Variants in DGKB observed in about 807,000 individuals in gnomAD.
DGKB encodes diacylglycerol kinase beta.
Under a neutral mutation model 114.3 loss-of-function variants are expected in DGKB, and 67 were observed. The ratio of observed to expected loss-of-function variants is 0.59; its 90% CI spans 0.48 to 0.72. The LOEUF is 0.72. Among genes scored for constraint, DGKB ranks in the 30% least tolerant of loss-of-function variants. The pLI is 0.00. For synonymous variants in DGKB, 398 were observed against 323.1 expected, an observed-to-expected ratio of 1.23 and a Z score of -2.49; for missense variants, 907 against 975.2, an observed-to-expected ratio of 0.93 and a Z score of 0.93.
At chr7:14,497,322 C>T (rs976801017) in intron 20 of DGKB, among the ~76,000 whole-genome samples, 1 of 151,698 alleles carries the variant, frequency 6.6e-6, no homozygotes, top group Non-Finnish European at 1.5e-5. Flanking sequence ...ACTACTTGTA[C>T]TTCTAAAGAG....
chr7:14,482,565 G>T (rs1236313518), intron 20 of DGKB, among the ~76,000 whole-genome samples: 1 of 151,994 alleles, frequency 6.6e-6, no homozygotes, highest in Non-Finnish European at 1.5e-5. Flanking sequence ...AGTTATACTA[G>T]AAACACTACA....
intron 2 of DGKB, among the ~76,000 whole-genome samples, chr7:14,763,272 G>C (rs368086949): frequency 6.6e-4 from 100 of 152,092 alleles, no homozygotes; most frequent in African/African-American, 2.3e-3. Context: ...AAACACAGTA[G>C]GTTGTAACTC....
At chr7:14,354,658 A>G (rs532165449) in intron 21 of DGKB, among the ~76,000 whole-genome samples, 16 of 152,174 alleles carry the variant, frequency 1.1e-4, no homozygotes, top group Non-Finnish European at 2.2e-4. Flanking sequence ...CCTTCTTTAA[A>G]AAGAAATTGA....
At chr7:14,798,280 T>C (rs1485657989) in intron 2 of DGKB, among the ~76,000 whole-genome samples, 2 of 152,196 alleles carry the variant, frequency 1.3e-5, no homozygotes, top group Non-Finnish European at 2.9e-5. Flanking sequence ...TGTCCCTGTC[T>C]GCCTAGGAAT....
Position 14,894,098 on chromosome 7 carries a change from GA to G in DGKB, c.-188+8493del, listed in dbSNP as rs149170716. 6.2e-3 allele frequency among the ~76,000 whole-genome samples: 932 copies of G among 151,364 alleles called. 11 individuals carry two copies. The highest frequency in any genetic ancestry group is 0.019 in the African/African-American group (798 of 41,410). On this transcript the variant is annotated intron_variant, in intron 1 of 25. Coordinates refer to ENST00000402815, the MANE Select transcript of DGKB (RefSeq NM_001350709.2). ...ATTAATAGATGCTCCCAGAAGGAGG[GA>G]TTCTGTGGTTAAATAAGGCCAGGGA...
chr7:14,909,916 T>A (rs1783895424), intron 1 of DGKB, among the ~76,000 whole-genome samples: 1 of 152,022 alleles, frequency 6.6e-6, no homozygotes, highest in Non-Finnish European at 1.5e-5. Flanking sequence ...ATAATCAAAA[T>A]CATGTATTAG....
intron 9 of DGKB, among the ~76,000 whole-genome samples, chr7:14,687,748 T>C (rs1487328521): frequency 6.6e-6 from 1 of 152,218 alleles, no homozygotes. Context: ...CTTGTAATTC[T>C]TGTCGTTTTA....
intron 21 of DGKB, among the ~76,000 whole-genome samples, chr7:14,428,201 A>G (rs1827875714): frequency 6.6e-6 from 1 of 151,836 alleles, no homozygotes. Context: ...CTTTACAATC[A>G]TCTTCCAATA....
intron 20 of DGKB, among the ~76,000 whole-genome samples, chr7:14,510,235 G>C (rs985124070): frequency 2.6e-5 from 4 of 152,172 alleles, no homozygotes; most frequent in South Asian, 2.1e-4. Flanking sequence ...TGCAGCATTT[G>C]ATGCTGTGTG....
intron 20 of DGKB, among the ~76,000 whole-genome samples, chr7:14,557,401 A>G (rs1435609075): frequency 6.6e-6 from 1 of 152,052 alleles, no homozygotes; most frequent in Non-Finnish European, 1.5e-5. Flanking sequence ...GTGCCGGTCT[A>G]TGTGTATTCT....
Position 14,832,065 on chromosome 7 carries a change from G to T in DGKB, c.70+9129C>A, listed in dbSNP as rs58572051. 9.0e-3 allele frequency among the ~76,000 whole-genome samples: 1,372 copies of T among 152,062 alleles called. 25 individuals carry two copies. The highest frequency in any genetic ancestry group is 0.031 in the African/African-American group (1,292 of 41,500). On this transcript the variant is annotated intron_variant, in intron 2 of 25. Transcript: ENST00000402815. ...AGCAATAATTAACTTACATATGGTG[G>T]TTTGCAGTTTACAATGCATTTCCAC...
chr7:14,575,480 A>C, intron 19 of DGKB, among the ~76,000 whole-genome samples: 1 of 152,220 alleles, frequency 6.6e-6, no homozygotes, highest in Non-Finnish European at 1.5e-5. Context: ...TAACCCTGAC[A>C]GAGTTACTGT....
At chr7:14,185,744 C>G (rs2128258207) in intron 23 of DGKB, among the ~76,000 whole-genome samples, 1 of 152,172 alleles carries the variant, frequency 6.6e-6, no homozygotes. Context: ...TTTGACAAAA[C>G]AAACAAAAAC....
In DGKB at chr7:14,698,121, C is replaced by A. The variant is rs764257910; in HGVS notation, c.565G>T (p.Glu189Ter). Residue 189 changes from glutamate (E) to a stop codon, truncating the protein, a stop_gained, in exon 8 of 26, where the codon GAG becomes TAG. Transcript: ENST00000402815. LOFTEE classifies it high-confidence loss of function. ...SQMMHVAEYLEWDVTELNPIL... is the reference protein window; with the variant it reads ...SQMMHVAEYL ...GGATTAAGTTCAGTGACATCCCACT[C>A]AAGGTATTCTGCAACATGCATCATC... 1 of 1,545,738 alleles carries A rather than the reference C, an allele frequency of 6.5e-7. No individual in the cohort carries two copies. Among genetic ancestry groups the A allele is most frequent in the Non-Finnish European group, 8.7e-7 (1 of 1,148,612 alleles).
At chr7:14,626,855 T>C (rs1047283949) in intron 14 of DGKB, among the ~76,000 whole-genome samples, 9 of 152,314 alleles carry the variant, frequency 5.9e-5, no homozygotes, top group African/African-American at 2.2e-4. Flanking sequence ...AAGTAAGTAC[T>C]TTTAAAAAAG....
chr7:14,435,618 G>T (rs1370965597), intron 21 of DGKB, among the ~76,000 whole-genome samples: 1 of 151,972 alleles, frequency 6.6e-6, no homozygotes, highest in East Asian at 1.9e-4. Context: ...TCCTGAAAAA[G>T]CTCCCAACAT....
intron 20 of DGKB, among the ~76,000 whole-genome samples, chr7:14,538,932 T>G (rs778746183): frequency 1.3e-5 from 2 of 152,098 alleles, no homozygotes; most frequent in Non-Finnish European, 2.9e-5. Context: ...AACAGTCTCA[T>G]GTATAGAAAT....
At chr7:14,446,133 T>C (rs111337041) in intron 21 of DGKB, among the ~76,000 whole-genome samples, 3 of 152,128 alleles carry the variant, frequency 2.0e-5, no homozygotes, top group African/African-American at 7.2e-5. Context: ...TATTAGGTAC[T>C]TCATGAAGGC....
chr7:14,871,485 T>C (rs217558), intron 1 of DGKB, among the ~76,000 whole-genome samples: 137,983 of 151,906 alleles, frequency 0.91, 63,156 homozygotes, highest in Non-Finnish European at 0.96. Context: ...CTACTCCAAT[T>C]TACTATCCAC....
Sources: gnomAD v4.1 joint callset for allele counts (sites outside exome capture counted in the v4.1 genomes callset) on GRCh38, gnomAD v4.1.1 for gene constraint, MANE v1.5 for transcripts, NCBI Gene and HGNC (gene_info 2026-07-23, HGNC 2026-07-21) for gene names.